Variants in SEMA5A observed in about 807,000 individuals in gnomAD.
SEMA5A encodes the protein semaphorin 5A, also known as semaphorin-5A.
In SEMA5A, 55 loss-of-function variants were observed where a neutral mutation model predicts 135.5. The ratio of observed to expected loss-of-function variants is 0.41; its 90% CI spans 0.33 to 0.51. SEMA5A has a LOEUF of 0.51. Ranked by LOEUF, SEMA5A falls within the 20% of genes least tolerant of loss-of-function variation. The probability of loss-of-function intolerance (pLI) is 0.37; values close to 1 mark genes in which losing one functional copy is unlikely to be tolerated. For missense variants in SEMA5A, 1,290 were observed against 1,419.9 expected, an observed-to-expected ratio of 0.91 and a Z score of 1.47; for synonymous variants, 580 against 546.5, an observed-to-expected ratio of 1.06 and a Z score of -0.85.
intron 18 of SEMA5A, among the ~76,000 whole-genome samples, chr5:9,058,644 A>C (rs963486244): frequency 1.2e-4 from 18 of 152,248 alleles, no homozygotes; most frequent in African/African-American, 4.1e-4. Flanking sequence ...AAACAATGGC[A>C]GTAACCAATG....
intron 3 of SEMA5A, among the ~76,000 whole-genome samples, chr5:9,365,680 C>T (rs866562733): frequency 2.0e-5 from 3 of 152,152 alleles, no homozygotes; most frequent in Non-Finnish European, 2.9e-5. Context: ...TTTTCAATTA[C>T]ACCTAGAGGC....
At chr5:9,336,497 C>G (rs1753396992) in intron 4 of SEMA5A, among the ~76,000 whole-genome samples, 1 of 152,150 alleles carries the variant, frequency 6.6e-6, no homozygotes, top group Non-Finnish European at 1.5e-5. Flanking sequence ...AAGTGAGCAT[C>G]AGAAATCCCC....
intron 1 of SEMA5A, among the ~76,000 whole-genome samples, chr5:9,487,363 C>A (rs1438276606): frequency 3.3e-5 from 5 of 152,030 alleles, no homozygotes; most frequent in African/African-American, 1.2e-4. Flanking sequence ...AACTGAAGGC[C>A]AGGGAGTTAA....
intron 3 of SEMA5A, among the ~76,000 whole-genome samples, chr5:9,378,203 T>TA (rs1425100460): frequency 2.6e-5 from 4 of 151,304 alleles, no homozygotes; most frequent in East Asian, 1.9e-4. Context: ...CTTGTGTATT[T>TA]AAAAAAAAAT....
chr5:9,423,177 G>A (rs549945029), intron 2 of SEMA5A, among the ~76,000 whole-genome samples: 21 of 152,214 alleles, frequency 1.4e-4, no homozygotes, highest in Admixed American at 2.6e-4. Context: ...GCTGACTTCC[G>A]ACCACCTGCT....
At chr5:9,152,741 T>C (rs1255381056) in intron 12 of SEMA5A, among the ~76,000 whole-genome samples, 1 of 152,176 alleles carries the variant, frequency 6.6e-6, no homozygotes, top group Non-Finnish European at 1.5e-5. Context: ...AGTGACAAAG[T>C]GAATTCTGAA....
intron 11 of SEMA5A, among the ~76,000 whole-genome samples, chr5:9,164,570 G>A (rs1195075072): frequency 6.6e-6 from 1 of 151,926 alleles, no homozygotes; most frequent in East Asian, 1.9e-4. Context: ...ACCTTTATAT[G>A]TAGTTCTGAT....
intron 2 of SEMA5A, among the ~76,000 whole-genome samples, chr5:9,420,888 C>T (rs775440759): frequency 3.6e-4 from 55 of 152,104 alleles, no homozygotes; most frequent in African/African-American, 1.2e-3. Context: ...TGGTGGCGTG[C>T]ACCTGTAGTC....
intron 5 of SEMA5A, among the ~76,000 whole-genome samples, chr5:9,241,771 A>T (rs1271590714): frequency 6.6e-6 from 1 of 152,170 alleles, no homozygotes; most frequent in East Asian, 1.9e-4. Context: ...GGCTCTTTTT[A>T]TGTATGTGTT....
intron 17 of SEMA5A, among the ~76,000 whole-genome samples, chr5:9,063,410 C>T (rs1365805461): frequency 6.6e-6 from 1 of 152,212 alleles, no homozygotes; most frequent in African/African-American, 2.4e-5. Context: ...TTTGAAGACA[C>T]TTCTTACAAA....
chr5:9,112,842 A>G (rs977119135), intron 15 of SEMA5A, among the ~76,000 whole-genome samples: 3 of 152,224 alleles, frequency 2.0e-5, no homozygotes, highest in Admixed American at 6.5e-5. Context: ...TTCTGTCATT[A>G]TGTTACATAG....
chr5:9,256,821 G>T (rs1713878977), intron 5 of SEMA5A, among the ~76,000 whole-genome samples: 1 of 152,206 alleles, frequency 6.6e-6, no homozygotes, highest in African/African-American at 2.4e-5. Context: ...GAATTTCAAG[G>T]CGAGAGCCTC....
intron 20 of SEMA5A, among the ~76,000 whole-genome samples, chr5:9,050,952 A>T (rs2150041785): frequency 6.6e-6 from 1 of 152,206 alleles, no homozygotes; most frequent in East Asian, 1.9e-4. Context: ...CATGCCACAC[A>T]TGAAACCCAC....
chr5:9,245,092 A>G (rs1023318284), intron 5 of SEMA5A, among the ~76,000 whole-genome samples: 1 of 152,322 alleles, frequency 6.6e-6, no homozygotes, highest in South Asian at 2.1e-4. Context: ...CTGAAGTTCA[A>G]AAATATGAAA....
chr5:9,050,772 C>T (rs945876013), intron 20 of SEMA5A, among the ~76,000 whole-genome samples: 2 of 152,214 alleles, frequency 1.3e-5, no homozygotes, highest in African/African-American at 4.8e-5. Context: ...GGGGATCCCC[C>T]CACTCTGCCC....
chr5:9,527,017 C>T (rs961871085), intron 1 of SEMA5A, among the ~76,000 whole-genome samples: 1 of 152,134 alleles, frequency 6.6e-6, no homozygotes, highest in Non-Finnish European at 1.5e-5. Context: ...ATGGCAAACT[C>T]CACCTGGGTA....
At chr5:9,101,197 T>G (rs184359927) in intron 16 of SEMA5A, among the ~76,000 whole-genome samples, 1 of 152,236 alleles carries the variant, frequency 6.6e-6, no homozygotes, top group Non-Finnish European at 1.5e-5. Flanking sequence ...TCATTGGTGT[T>G]TAAGTTAATC....
chr5:9,332,088 T>A (rs183920778), intron 4 of SEMA5A, among the ~76,000 whole-genome samples: 6 of 151,234 alleles, frequency 4.0e-5, no homozygotes, highest in African/African-American at 1.2e-4. Flanking sequence ...GGTACTCACA[T>A]CGGGTCAGAA....
At chr5:9,263,334 C>T (rs536919122) in intron 5 of SEMA5A, among the ~76,000 whole-genome samples, 2 of 152,172 alleles carry the variant, frequency 1.3e-5, no homozygotes, top group Admixed American at 1.3e-4. Flanking sequence ...GACAAGTGAG[C>T]GTTACTGCCT....
Sources: allele counts gnomAD v4.1 joint callset (sites outside exome capture counted in the v4.1 genomes callset), GRCh38; gene constraint gnomAD v4.1.1; transcripts MANE v1.5; gene names NCBI Gene and HGNC (gene_info 2026-07-23, HGNC 2026-07-21).